Variants in DENND1A observed in about 807,000 individuals in gnomAD.
The protein encoded by DENND1A is DENN domain-containing protein 1A.
DENND1A carries 51 observed loss-of-function variants against 113.7 expected under a neutral mutation model. The ratio of observed to expected loss-of-function variants is 0.45; its 90% CI spans 0.36 to 0.57. DENND1A has a LOEUF of 0.57. Among genes scored for constraint, DENND1A ranks in the 20% least tolerant of loss-of-function variants. The probability of loss-of-function intolerance (pLI) is 0.00; values close to 1 mark genes in which losing one functional copy is unlikely to be tolerated. For missense variants in DENND1A, 1,258 were observed against 1,395.9 expected (o/e 0.90, Z 1.57); for synonymous variants, 565 against 570.8 (o/e 0.99, Z 0.14).
chr9:123,629,032 A>G (rs1488065952), intron 10 of DENND1A, among the ~76,000 whole-genome samples: 1 of 152,216 alleles, frequency 6.6e-6, no homozygotes, highest in Non-Finnish European at 1.5e-5. Context: ...TCTTGGGAAG[A>G]GGGTGAGCCC....
intron 5 of DENND1A, among the ~76,000 whole-genome samples, chr9:123,732,198 C>T (rs2068227957): frequency 6.6e-6 from 1 of 152,146 alleles, no homozygotes; most frequent in African/African-American, 2.4e-5. Flanking sequence ...AGGTATTCGT[C>T]CAAAAGAAAC....
chr9:123,786,841 G>A (rs1832257545), intron 3 of DENND1A, among the ~76,000 whole-genome samples: 2 of 151,978 alleles, frequency 1.3e-5, no homozygotes, highest in Admixed American at 6.6e-5. Context: ...AAGATCAAAG[G>A]TGACCTCACC....
At chr9:123,454,594 G>A (rs976589599) in intron 16 of DENND1A, 145 bp downstream of exon 16, 1 of 833,486 alleles carries the variant, frequency 1.2e-6, no homozygotes. Flanking sequence ...CATCTGGCAT[G>A]AGAAGAGCCT....
At chr9:123,808,216 A>T (rs1320454968) in intron 2 of DENND1A, among the ~76,000 whole-genome samples, 1 of 151,932 alleles carries the variant, frequency 6.6e-6, no homozygotes, top group Non-Finnish European at 1.5e-5. Context: ...ACAAGAGCAA[A>T]ACTCCGTCTC....
At chr9:123,406,807 G>C (rs549783193) in intron 20 of DENND1A, among the ~76,000 whole-genome samples, 34 of 152,272 alleles carry the variant, frequency 2.2e-4, no homozygotes, top group Middle Eastern at 3.4e-3. Context: ...TAGGGTGAAG[G>C]AGCAGTTCTG....
At chr9:123,652,791 A>G (rs1399453102) in intron 8 of DENND1A, among the ~76,000 whole-genome samples, 3 of 152,168 alleles carry the variant, frequency 2.0e-5, no homozygotes, top group African/African-American at 7.2e-5. Flanking sequence ...TTGAAGACAA[A>G]CAGCAGCAAG....
intron 5 of DENND1A, among the ~76,000 whole-genome samples, chr9:123,693,171 T>C (rs1358041181): frequency 1.3e-5 from 2 of 152,356 alleles, no homozygotes; most frequent in African/African-American, 4.8e-5. Context: ...AATGAATCCA[T>C]ACAACATTTC....
intron 13 of DENND1A, among the ~76,000 whole-genome samples, chr9:123,545,087 G>C (rs1335666854): frequency 6.7e-6 from 1 of 149,344 alleles, no homozygotes; most frequent in Non-Finnish European, 1.5e-5. Flanking sequence ...GACAGAGCAA[G>C]ACTCCGTCTC....
intron 9 of DENND1A, among the ~76,000 whole-genome samples, chr9:123,648,274 A>G (rs2062449720): frequency 6.6e-6 from 1 of 152,170 alleles, no homozygotes; most frequent in Non-Finnish European, 1.5e-5. Context: ...CAGGGCTCTC[A>G]CTGTGTTGCC....
chr9:123,519,239 T>C (rs2054188721), intron 13 of DENND1A, among the ~76,000 whole-genome samples: 1 of 152,190 alleles, frequency 6.6e-6, no homozygotes, highest in Non-Finnish European at 1.5e-5. Context: ...TTGTTTACTA[T>C]TGTATTTCCC....
Position 123,846,538 on chromosome 9 carries a change from T to C in DENND1A, c.88+32413A>G, listed in dbSNP as rs947530755. On this transcript the variant is annotated intron_variant, in intron 2 of 23. Coordinates refer to ENST00000394215, the MANE Select transcript of DENND1A (RefSeq NM_001352964.2). The stretch of plus-strand genomic sequence containing the variant: ...AGCCATAAAGAGGAATGAAGTTCTG[T>C]ACATACTACAACATGAATAAAGCTT... Among the ~76,000 whole-genome samples, 7 of 152,290 alleles carry C rather than the reference T, an allele frequency of 4.6e-5. No homozygotes were observed. In the East Asian group the frequency reaches 1.4e-3, roughly 29 times the overall value.
At chr9:123,601,638 T>C (rs1238568360) in intron 11 of DENND1A, among the ~76,000 whole-genome samples, 1 of 152,252 alleles carries the variant, frequency 6.6e-6, no homozygotes, top group African/African-American at 2.4e-5. Flanking sequence ...GTTTCACTGA[T>C]ATAAACTTTG....
chr9:123,598,246 C>G (rs142199910), intron 11 of DENND1A, among the ~76,000 whole-genome samples: 5 of 152,028 alleles, frequency 3.3e-5, no homozygotes, highest in African/African-American at 7.2e-5. Flanking sequence ...AAAATCACTC[C>G]GAGGCAGGGA....
chr9:123,827,091 G>T (rs1839442330), intron 2 of DENND1A, among the ~76,000 whole-genome samples: 2 of 152,150 alleles, frequency 1.3e-5, no homozygotes, highest in South Asian at 2.1e-4. Context: ...CATTGAAAAA[G>T]AACTCAACAC....
chr9:123,842,681 C>T (rs1376254250), intron 2 of DENND1A, among the ~76,000 whole-genome samples: 2 of 152,154 alleles, frequency 1.3e-5, no homozygotes, highest in African/African-American at 4.8e-5. Flanking sequence ...CTGGAGAATT[C>T]TACCAAACAT....
At chr9:123,461,173 G>A (rs771416213) in intron 13 of DENND1A, among the ~76,000 whole-genome samples, 1 of 152,040 alleles carries the variant, frequency 6.6e-6, no homozygotes, top group Non-Finnish European at 1.5e-5. Flanking sequence ...TATTCCTTCT[G>A]CCTGGACTGT....
intron 5 of DENND1A, among the ~76,000 whole-genome samples, chr9:123,706,244 T>C (rs2066193396): frequency 6.7e-6 from 1 of 149,834 alleles, no homozygotes; most frequent in Non-Finnish European, 1.5e-5. Flanking sequence ...TCCACCTCCC[T>C]GGTTCAAGCT....
intron 10 of DENND1A, among the ~76,000 whole-genome samples, chr9:123,616,299 C>T (rs1425392955): frequency 6.6e-6 from 1 of 152,182 alleles, no homozygotes; most frequent in Non-Finnish European, 1.5e-5. Context: ...GTGATCCCAG[C>T]CCAAATCCTT....
At chr9:123,475,343 C>T (rs747347838) in intron 13 of DENND1A, among the ~76,000 whole-genome samples, 30 of 152,172 alleles carry the variant, frequency 2.0e-4, no homozygotes, top group Non-Finnish European at 3.4e-4. Context: ...AAAGAAACAA[C>T]GAACATAAAT....
Sources: gnomAD v4.1 joint callset for allele counts (sites outside exome capture counted in the v4.1 genomes callset) on GRCh38, gnomAD v4.1.1 for gene constraint, MANE v1.5 for transcripts, NCBI Gene and HGNC (gene_info 2026-07-23, HGNC 2026-07-21) for gene names.